SNX15: variants seen among roughly 807,000 people sequenced by gnomAD.
SNX15 encodes sorting nexin-15.
Under a neutral mutation model 35.2 loss-of-function variants are expected in SNX15, and 29 were observed. The observed-to-expected ratio is 0.82, with a 90% CI of 0.61 to 1.12. The LOEUF (loss-of-function observed/expected upper bound fraction) is 1.12. Ranked by LOEUF, SNX15 falls within the 50% of genes most tolerant of loss-of-function variation. The pLI is 0.00. For missense variants in SNX15, 400 were observed against 451.5 expected, an observed-to-expected ratio of 0.89 and a Z score of 1.03; for synonymous variants, 189 against 188.2, an observed-to-expected ratio of 1.00 and a Z score of -0.03.
rs770179913 is a variant in SNX15 at position 65,027,531 on chromosome 11, C to T, written c.-7C>T. 2.5e-6 allele frequency: 4 copies of T among 1,613,120 alleles called. No individual in the cohort carries two copies. Among genetic ancestry groups the T allele is most frequent in the East Asian group, 2.2e-5 (1 of 44,880 alleles). On this transcript the variant is annotated 5_prime_UTR_variant, in exon 1 of 8. Transcript: ENST00000377244. ...GCCGGCGCTCCGCTCCGCTCCAGCTCGGTTTCATGTCCCGCCAGGCGAAGG... is the reference window on the plus strand; with the variant it reads ...GCCGGCGCTCCGCTCCGCTCCAGCTTGGTTTCATGTCCCGCCAGGCGAAGG...
intron 3 of SNX15, 25 bp downstream of exon 3, chr11:65,032,576 G>A: frequency 6.2e-7 from 1 of 1,613,764 alleles, no homozygotes; most frequent in Non-Finnish European, 8.5e-7. Context: ...GGGGCACTCG[G>A]GCCAAAGATG....
Position 65,032,210 on chromosome 11 carries a change from C to T in SNX15, c.135+7C>T. The T allele has an allele frequency of 6.2e-7, 1 of 1,613,598 alleles. No individual in the cohort carries two copies. The highest frequency in any genetic ancestry group is 1.7e-5 in the Admixed American group (1 of 60,020). Reference sequence around the variant, plus strand: ...CCCAGAGGATGTCAAAGAGGTGAGGCTCCTGGGAGGAAGAGGGACTGTTCT... The same window carrying T: ...CCCAGAGGATGTCAAAGAGGTGAGGTTCCTGGGAGGAAGAGGGACTGTTCT... On this transcript the variant is annotated splice_region_variant and intron_variant, in intron 2 of 7. Transcript: ENST00000377244.
chr11:65,032,351 GC>G, intron 2 of SNX15, 79 bp from the exon 3 acceptor site: 1 of 1,607,356 alleles, frequency 6.2e-7, no homozygotes, highest in Non-Finnish European at 8.5e-7. Flanking sequence ...TGATCCTCAC[GC>G]CCCCTGGGGG....
chr11:65,027,531 C>G lies in SNX15; in HGVS notation c.-7C>G, dbSNP rs770179913. On this transcript the variant is annotated 5_prime_UTR_variant, in exon 1 of 8. Coordinates refer to ENST00000377244, the MANE Select transcript of SNX15 (RefSeq NM_013306.5). ...GCCGGCGCTCCGCTCCGCTCCAGCT[C>G]GGTTTCATGTCCCGCCAGGCGAAGG... 3.1e-6 allele frequency: 5 copies of G among 1,613,120 alleles called. No homozygotes were observed. The highest frequency in any genetic ancestry group is 4.2e-6 in the Non-Finnish European group (5 of 1,179,412).
chr11:65,040,200 A>G lies in SNX15; in HGVS notation c.*408A>G, dbSNP rs1946565931. 6.0e-6 allele frequency: 1 copy of G among 167,700 alleles called. No homozygotes were observed. Among genetic ancestry groups the G allele is most frequent in the Non-Finnish European group, 1.3e-5 (1 of 76,342 alleles). The allele number at this position is 167,700 out of a possible 1,614,324, so 10.4% of individuals were successfully genotyped here. ...GTATTTTCAGTAGGGACGGGGTTAC[A>G]CCATGTTGGCCAGGCTGGTCTCGAA... On this transcript the variant is annotated 3_prime_UTR_variant, in exon 8 of 8. Transcript: ENST00000377244.
At position 65,030,181 on chromosome 11, in the gene SNX15, C is replaced by T. The variant is rs1328006042; in HGVS notation, c.100-1987C>T. On this transcript the variant is annotated intron_variant, in intron 1 of 7. Transcript: ENST00000377244. ...ACCATTCTGGCCAACATGGTGAAAC[C>T]CCGTCTCTACTAAAAGTACAAAACG... Among the ~76,000 whole-genome samples, 4 of 151,922 alleles carry T rather than the reference C, an allele frequency of 2.6e-5. No homozygotes were observed. In the East Asian group the frequency reaches 8.0e-4, roughly 30 times the overall value.
intron 6 of SNX15, chr11:65,037,722 A>G (rs1946519601): frequency 6.6e-6 from 1 of 152,166 alleles, no homozygotes; most frequent in African/African-American, 2.4e-5. Context: ...CTTCACAGCA[A>G]ACTCCTTAAC....
At chr11:65,033,289 A>C (rs1313951490) in intron 3 of SNX15, among the ~76,000 whole-genome samples, 1 of 152,048 alleles carries the variant, frequency 6.6e-6, no homozygotes, top group African/African-American at 2.4e-5. Flanking sequence ...TCACACCTGT[A>C]ATCCCAGCAC....
rs1217831226 is a variant in SNX15, at chr11:65,040,012, GT to G, written c.*227del. 19 of 471,922 alleles carry G rather than the reference GT, an allele frequency of 4.0e-5. No individual in the cohort carries two copies. Among genetic ancestry groups the G allele is most frequent in the Admixed American group, 6.8e-5 (2 of 29,392 alleles). The allele number at this position is 471,922 out of a possible 1,614,324, so 29.2% of individuals were successfully genotyped here. On this transcript the variant is annotated 3_prime_UTR_variant, in exon 8 of 8. Coordinates refer to ENST00000377244, the MANE Select transcript of SNX15 (RefSeq NM_013306.5). ...TTCTGACCCTGCCTGTCTTTTTGGG[GT>G]TTTTTTGAGTTGGAGTCTCGCTGTG...
rs1460836627 is a variant in SNX15 at position 65,040,483 on chromosome 11, TTC to T, written c.*693_*694del. 1 of 152,166 alleles carries T rather than the reference TTC, an allele frequency of 6.6e-6. No individual in the cohort carries two copies. The highest frequency in any genetic ancestry group is 1.9e-4 in the East Asian group (1 of 5,202). The allele number at this position is 152,166 out of a possible 1,614,324, so 9.4% of individuals were successfully genotyped here. ...AATGATTAAAAAAATCAAAATAATA[TTC>T]TGTGACAATGACAGGTGAAATTTAT... is the stretch of plus-strand genomic sequence containing the variant. On this transcript the variant is annotated 3_prime_UTR_variant, in exon 8 of 8. Transcript: ENST00000377244.
At chr11:65,033,156 G>A (rs530578915) in intron 3 of SNX15, among the ~76,000 whole-genome samples, 17 of 152,174 alleles carry the variant, frequency 1.1e-4, no homozygotes, top group Admixed American at 5.9e-4. Context: ...GATTACAGGC[G>A]TGAGACACTG....
intron 3 of SNX15, among the ~76,000 whole-genome samples, chr11:65,034,274 A>T (rs193092867): frequency 9.2e-5 from 14 of 152,284 alleles, no homozygotes; most frequent in African/African-American, 2.6e-4. Context: ...TACAAAAATT[A>T]GCCAGGCATG....
chr11:65,040,062 TGGG>T lies in SNX15; in HGVS notation c.*271_*273del. The T allele has an allele frequency of 5.3e-6, 2 of 376,066 alleles. No homozygotes were observed. Among genetic ancestry groups the T allele is most frequent in the African/African-American group, 2.1e-5 (1 of 48,350 alleles). The allele number at this position is 376,066 out of a possible 1,614,324, so 23.3% of individuals were successfully genotyped here. A position where few individuals can be genotyped will look rare whatever the true frequency, so the allele number is the denominator to read the frequency against. Reference sequence around the variant, plus strand: ...TGTCGCCCAGACTGGAGTGCAGTGGTGGGATCGCGGCTCACTGCAACCTCCACC... The same window carrying T: ...TGTCGCCCAGACTGGAGTGCAGTGGTATCGCGGCTCACTGCAACCTCCACC... On this transcript the variant is annotated 3_prime_UTR_variant, in exon 8 of 8. Coordinates refer to ENST00000377244, the MANE Select transcript of SNX15 (RefSeq NM_013306.5).
intron 2 of SNX15, 78 bp from the exon 3 acceptor site, chr11:65,032,353 C>G (rs1946449240): frequency 1.9e-6 from 3 of 1,609,032 alleles, no homozygotes; most frequent in Non-Finnish European, 2.6e-6. Context: ...ATCCTCACGC[C>G]CCCTGGGGGC....
intron 1 of SNX15, 106 bp downstream of exon 1, chr11:65,027,742 A>C: frequency 1.2e-6 from 1 of 826,848 alleles, no homozygotes; most frequent in Non-Finnish European, 2.0e-6. Context: ...GACGACAGAA[A>C]TGGGTTTCCC....
At position 65,034,939 on chromosome 11, in the gene SNX15, C is replaced by G; in HGVS notation, c.349C>G (p.Pro117Ala). ...TVHIPALNNS[P>A]QLKEFFRGGE... ...GCACATACCTGCGCTCAACAACAGC[C>G]CCCAGCTCAAGGAGTTCTTCCGGGT... Residue 117 changes from proline (P) to alanine (A), a missense_variant, in exon 4 of 8, where the codon CCC (proline) becomes GCC (alanine). Pro to Ala is a conservative substitution (Grantham distance 27, BLOSUM62 -1). Transcript: ENST00000377244. The G allele has an allele frequency of 1.2e-6, 2 of 1,614,058 alleles. No individual in the cohort carries two copies. The highest frequency in any genetic ancestry group is 1.7e-5 in the Admixed American group (1 of 60,016).
At chr11:65,030,755 G>A (rs1019806566) in intron 1 of SNX15, among the ~76,000 whole-genome samples, 4 of 151,918 alleles carry the variant, frequency 2.6e-5, no homozygotes, top group South Asian at 2.1e-4. Flanking sequence ...CTCCCACCTC[G>A]GCCTCCCAAA....
At position 65,034,874 on chromosome 11, in the gene SNX15, A is replaced by AGCG; in HGVS notation, c.288_290dup (p.Arg97dup). On this transcript the variant is annotated inframe_insertion, in exon 4 of 8. Transcript: ENST00000377244. The stretch of plus-strand genomic sequence containing the variant: ...CGGTTTGAAGCCTCAGTGATCGAGG[A>AGCG]GCGGCGAAAGGGGGCAGAGGACCTG... 6.2e-7 allele frequency: 1 copy of AGCG among 1,614,008 alleles called. No homozygotes were observed. Among genetic ancestry groups the AGCG allele is most frequent in the Non-Finnish European group, 8.5e-7 (1 of 1,179,924 alleles).
In SNX15 at chr11:65,035,138, CT is replaced by C. The variant is rs746612888; in HGVS notation, c.453del (p.Asp152MetfsTer118). 12 of 1,594,314 alleles carry C rather than the reference CT, an allele frequency of 7.5e-6. No homozygotes were observed. The highest frequency in any genetic ancestry group is 3.4e-6 in the Non-Finnish European group (4 of 1,171,196). On this transcript the variant is annotated frameshift_variant, in exon 5 of 8. Coordinates refer to ENST00000377244, the MANE Select transcript of SNX15 (RefSeq NM_013306.5). LOFTEE classifies it high-confidence loss of function. ...LPPPLIPTPP[P>X]DDPRLSQLLP... ...CCCCCTCTGATCCCCACCCCGCCCC[CT>C]GATGACCCCCGGCTATCCCAACTGC...
Sources: allele counts gnomAD v4.1 joint callset (sites outside exome capture counted in the v4.1 genomes callset), GRCh38; gene constraint gnomAD v4.1.1; transcripts MANE v1.5; gene names NCBI Gene and HGNC (gene_info 2026-07-23, HGNC 2026-07-21).